Variants in PAK6 observed in about 807,000 individuals in gnomAD.
PAK6 encodes the protein serine/threonine-protein kinase PAK 6.
PAK6 carries 33 observed loss-of-function variants against 60.8 expected under a neutral mutation model. The ratio of observed to expected loss-of-function variants is 0.54; its 90% CI spans 0.41 to 0.73. PAK6 has a LOEUF of 0.73. Ranked by LOEUF, PAK6 falls within the 30% of genes least tolerant of loss-of-function variation. PAK6 has a pLI of 0.00. For missense variants in PAK6, 845 were observed against 904.1 expected (o/e 0.93, Z 0.84); for synonymous variants, 404 against 378.5 (o/e 1.07, Z -0.78).
intron 3 of PAK6, among the ~76,000 whole-genome samples, chr15:40,255,054 T>C (rs1327695595): frequency 6.6e-6 from 1 of 152,114 alleles, no homozygotes; most frequent in Non-Finnish European, 1.5e-5. Context: ...AAGGCAATCT[T>C]GTGATTAGGG....
chr15:40,272,478 G>A (rs751386379), exon 6 of PAK6: 7 of 1,613,688 alleles, frequency 4.3e-6, no homozygotes, highest in African/African-American at 1.3e-5. Flanking sequence ...AGGACCCCAC[G>A]GTTGCCAAGG....
chr15:40,252,712 G>T, intron 2 of PAK6: 2 of 1,304,154 alleles, frequency 1.5e-6, no homozygotes, highest in Non-Finnish European at 1.0e-6. Context: ...CGGCTGCCCC[G>T]GAGGTTCGCG....
chr15:40,265,938 C>A lies in PAK6; in HGVS notation c.301C>A (p.Arg101Ser), dbSNP rs765747411. 8.7e-6 allele frequency: 14 copies of A among 1,605,914 alleles called. No individual in the cohort carries two copies. In the Admixed American group the frequency reaches 1.0e-4, roughly 12 times the overall value. The stretch of plus-strand genomic sequence containing the variant: ...GTCAGTCATCAGCTCCAACACCCTG[C>A]GTGGCCGCAGCCCCACCAGCCGGCG... The change falls in exon 5 of 11, where the codon CGT (arginine) becomes AGT (serine). Residue 101 changes from arginine to serine, a missense_variant. Arg to Ser is a moderately radical substitution (Grantham distance 110). Coordinates refer to ENST00000560346, the Ensembl canonical transcript of PAK6.
intron 2 of PAK6, chr15:40,245,987 T>G (rs1300087098): frequency 6.6e-6 from 1 of 152,320 alleles, no homozygotes; most frequent in Non-Finnish European, 1.5e-5. Flanking sequence ...TCCCCCTGCA[T>G]TCTGCTAGAC....
chr15:40,273,234 T>C, intron 7 of PAK6, 112 bp from the exon 8 acceptor site: 1 of 1,334,976 alleles, frequency 7.5e-7, no homozygotes, highest in Non-Finnish European at 1.0e-6. Flanking sequence ...GCCAAACAGA[T>C]TGCCTGGGAG....
intron 5 of PAK6, 118 bp downstream of exon 5, chr15:40,266,613 A>C: frequency 9.6e-7 from 1 of 1,043,562 alleles, no homozygotes; most frequent in East Asian, 2.7e-5. Context: ...CTTCCGCCTA[A>C]GGCGGCAGAA....
intron 2 of PAK6, among the ~76,000 whole-genome samples, chr15:40,243,129 T>A (rs1466704177): frequency 1.3e-5 from 2 of 152,222 alleles, no homozygotes; most frequent in Admixed American, 6.5e-5. Flanking sequence ...CCAGCCCAGA[T>A]AATTTATAAA....
At chr15:40,239,227 C>G (rs552975865), upstream of PAK6, 1 of 152,264 alleles carries the variant, frequency 6.6e-6, no homozygotes, top group African/African-American at 2.4e-5. Flanking sequence ...GCCTCGCCTG[C>G]CAGGCAGCCC....
chr15:40,273,916 T>C (rs2039379745), intron 9 of PAK6: 2 of 665,492 alleles, frequency 3.0e-6, no homozygotes, highest in African/African-American at 1.8e-5. Flanking sequence ...GGGCCTCCTA[T>C]GTATGATGGC....
exon 5 of PAK6, chr15:40,266,166 G>A (rs2039126108): frequency 1.9e-6 from 3 of 1,609,092 alleles, no homozygotes; most frequent in African/African-American, 1.3e-5. Context: ...GGCTGCAAAG[G>A]CACAGTCCCT....
At position 40,274,061 on chromosome 15, in the gene PAK6, C is replaced by T. The variant is rs540561428; in HGVS notation, c.1744-81C>T. The T allele has an allele frequency of 2.6e-4, 393 of 1,534,128 alleles. 4 individuals carry two copies. In the African/African-American group the frequency reaches 5.1e-3, roughly 20 times the overall value. On this transcript the variant is annotated intron_variant, in intron 9 of 10. Transcript: ENST00000560346. ...GGAGAGCTGGGGCCAGCTGTCCCCC[C>T]TCCACCACTGCTGCCACCAGAACGC...
At chr15:40,273,226 C>T (rs2039359202) in intron 7 of PAK6, 120 bp from the exon 8 acceptor site, 1 of 1,306,452 alleles carries the variant, frequency 7.7e-7, no homozygotes, top group South Asian at 1.4e-5. Flanking sequence ...ACTGTGCTGC[C>T]AAACAGATTG....
intron 3 of PAK6, among the ~76,000 whole-genome samples, chr15:40,262,820 G>C (rs1204485813): frequency 6.6e-6 from 1 of 152,170 alleles, no homozygotes. Flanking sequence ...TAAACCCTAT[G>C]AGCTGTCTTT....
intron 3 of PAK6, among the ~76,000 whole-genome samples, chr15:40,261,687 C>T (rs1027717986): frequency 6.6e-6 from 1 of 152,192 alleles, no homozygotes; most frequent in African/African-American, 2.4e-5. Flanking sequence ...CAGATGAGTC[C>T]TAGCTGCCTC....
chr15:40,266,504 G>A lies in PAK6; in HGVS notation c.858+9G>A. ...CTCCACCACAGAGCAAGGTAAGTCA[G>A]GAGCCTGGCCTGCAGGTGTCCACTG... is the stretch of plus-strand genomic sequence containing the variant. On this transcript the variant is annotated intron_variant, in intron 5 of 10. Coordinates refer to ENST00000560346, the Ensembl canonical transcript of PAK6. The A allele has an allele frequency of 1.3e-6, 2 of 1,587,076 alleles. No homozygotes were observed. Among genetic ancestry groups the A allele is most frequent in the East Asian group, 2.2e-5 (1 of 44,648 alleles).
At chr15:40,274,184 G>C (rs1445615216) in exon 10 of PAK6, 1 of 1,614,058 alleles carries the variant, frequency 6.2e-7, no homozygotes, top group South Asian at 1.1e-5. Flanking sequence ...TGAGATGGTA[G>C]ATGGGGAGCC....
At chr15:40,261,140 G>T (rs891113286) in intron 3 of PAK6, among the ~76,000 whole-genome samples, 1 of 151,646 alleles carries the variant, frequency 6.6e-6, no homozygotes, top group African/African-American at 2.4e-5. Context: ...CGCCCACCTC[G>T]GCCTCCCAAA....
At position 40,240,340 on chromosome 15, in the gene PAK6, C is replaced by T. The variant is rs986527940; in HGVS notation, c.-200-259C>T. Among the ~76,000 whole-genome samples the T allele has an allele frequency of 7.2e-5, 11 of 152,308 alleles. No individual in the cohort carries two copies. The East Asian group carries it at 1.7e-3, about 24-fold the overall frequency. On this transcript the variant is annotated intron_variant, in intron 1 of 10. Coordinates refer to ENST00000560346, the Ensembl canonical transcript of PAK6. ...CGGCTTCCCCATGATCAGGACCCAG[C>T]GGGTGCCACCCTCAAGCCCCTGGTC...
intron 5 of PAK6, among the ~76,000 whole-genome samples, chr15:40,271,982 A>G (rs1269539730): frequency 6.6e-6 from 1 of 152,132 alleles, no homozygotes; most frequent in African/African-American, 2.4e-5. Flanking sequence ...CAGCAGAGCG[A>G]GTGTAAGGAG....
Sources: allele counts gnomAD v4.1 joint callset (sites outside exome capture counted in the v4.1 genomes callset), GRCh38; gene constraint gnomAD v4.1.1; transcripts MANE v1.5; gene names NCBI Gene and HGNC (gene_info 2026-07-23, HGNC 2026-07-21).